ZNF704: variants seen among roughly 807,000 people sequenced by gnomAD.
ZNF704 encodes the protein glucocorticoid induced gene 1.
Under a neutral mutation model 44.7 loss-of-function variants are expected in ZNF704, and 10 were observed. That is an observed-to-expected ratio of 0.22 (90% CI 0.14 to 0.38). The LOEUF (loss-of-function observed/expected upper bound fraction) is 0.38. Among genes scored for constraint, ZNF704 ranks in the 10% least tolerant of loss-of-function variants. The pLI is 1.00. For synonymous variants in ZNF704, 211 were observed against 207.6 expected, an observed-to-expected ratio of 1.02 and a Z score of -0.14; for missense variants, 390 against 545.5, an observed-to-expected ratio of 0.71 and a Z score of 2.84.
At chr8:80,770,826 C>A (rs1807307310) in intron 2 of ZNF704, among the ~76,000 whole-genome samples, 1 of 152,092 alleles carries the variant, frequency 6.6e-6, no homozygotes, top group Non-Finnish European at 1.5e-5. Context: ...TATGGTCATA[C>A]ATTTTATATT....
rs1817615572 is a variant in ZNF704 at position 80,633,274 on chromosome 8, T to C, written c.*8092A>G. The C allele has an allele frequency of 6.6e-6, 1 of 152,214 alleles. No individual in the cohort carries two copies. Among genetic ancestry groups the C allele is most frequent in the African/African-American group, 2.4e-5 (1 of 41,452 alleles). 9.4% of individuals were successfully genotyped at this position (152,214 alleles called of 1,614,324 possible). On this transcript the variant is annotated 3_prime_UTR_variant, in exon 9 of 9. Coordinates refer to ENST00000327835, the MANE Select transcript of ZNF704 (RefSeq NM_001033723.3). The stretch of plus-strand genomic sequence containing the variant: ...CTTAAGTTTATATACATAGCAAATG[T>C]TGTATGCTAGCAGCAAAATAAATTT...
intron 2 of ZNF704, among the ~76,000 whole-genome samples, chr8:80,702,106 T>C (rs1288620031): frequency 1.3e-5 from 2 of 152,134 alleles, no homozygotes; most frequent in African/African-American, 4.8e-5. Flanking sequence ...GGCAGCATGA[T>C]GAGGGTCCTG....
chr8:80,721,453 G>T (rs1294135836), intron 2 of ZNF704, among the ~76,000 whole-genome samples: 2 of 152,154 alleles, frequency 1.3e-5, no homozygotes, highest in African/African-American at 4.8e-5. Flanking sequence ...AGTTTCACAA[G>T]AGTTTAATTA....
intron 1 of ZNF704, among the ~76,000 whole-genome samples, chr8:80,873,055 G>A (rs539849060): frequency 3.5e-4 from 54 of 152,274 alleles, no homozygotes; most frequent in Non-Finnish European, 2.8e-4. Context: ...ATTGTTCTTG[G>A]TTGGAAGAAG....
intron 2 of ZNF704, among the ~76,000 whole-genome samples, chr8:80,752,967 T>C (rs1334252418): frequency 3.3e-5 from 5 of 152,198 alleles, no homozygotes; most frequent in Admixed American, 2.6e-4. Flanking sequence ...AGTATTCATG[T>C]TTCAAAGCTG....
At chr8:80,876,314 A>T (rs180671973), upstream of ZNF704, among the ~76,000 whole-genome samples, 12 of 152,356 alleles carry the variant, frequency 7.9e-5, no homozygotes, top group African/African-American at 4.8e-5. Flanking sequence ...ATGGAATAGC[A>T]GGGGCTAGCC....
At chr8:80,841,343 G>A (rs942580684) in intron 1 of ZNF704, among the ~76,000 whole-genome samples, 1 of 152,130 alleles carries the variant, frequency 6.6e-6, no homozygotes, top group African/African-American at 2.4e-5. Flanking sequence ...CACGGCAGAG[G>A]TATTAAATGA....
At chr8:80,733,476 T>C (rs997089574) in intron 2 of ZNF704, among the ~76,000 whole-genome samples, 6 of 152,218 alleles carry the variant, frequency 3.9e-5, no homozygotes, top group Admixed American at 3.9e-4. Flanking sequence ...ATAATCTTGA[T>C]TCAATTTCAA....
At chr8:80,654,955 T>C (rs1817989237) in intron 7 of ZNF704, among the ~76,000 whole-genome samples, 1 of 152,132 alleles carries the variant, frequency 6.6e-6, no homozygotes, top group Non-Finnish European at 1.5e-5. Flanking sequence ...TGTCCAACAA[T>C]GAAAGACTGG....
At chr8:80,785,081 T>C (rs895995818) in intron 2 of ZNF704, among the ~76,000 whole-genome samples, 2 of 152,316 alleles carry the variant, frequency 1.3e-5, no homozygotes, top group Non-Finnish European at 2.9e-5. Context: ...TGTTCCAGGG[T>C]CTCATCCTGG....
chr8:80,836,645 C>A (rs530671486), intron 1 of ZNF704, among the ~76,000 whole-genome samples: 48 of 151,978 alleles, frequency 3.2e-4, no homozygotes, highest in African/African-American at 1.1e-3. Flanking sequence ...GGACTACAGG[C>A]ATGGTGGTAC....
At position 80,647,536 on chromosome 8, in the gene ZNF704, G is replaced by A. The variant is rs185067004; in HGVS notation, c.1033-4407C>T. The stretch of plus-strand genomic sequence containing the variant: ...TGGAGAATGGACAGCAGACAGCCTG[G>A]AAAGGAGCCCTGGAGTTAAGAGGCT... On this transcript the variant is annotated intron_variant, in intron 7 of 8. Transcript: ENST00000327835. 1.1e-3 allele frequency among the ~76,000 whole-genome samples: 164 copies of A among 152,334 alleles called. 2 individuals are homozygous for A. Among genetic ancestry groups the A allele is most frequent in the African/African-American group, 3.7e-3 (154 of 41,576 alleles).
intron 1 of ZNF704, among the ~76,000 whole-genome samples, chr8:80,830,753 C>CTTTCTTTTTTTTTT (rs1554585536): frequency 1.2e-4 from 11 of 89,132 alleles, no homozygotes; most frequent in Middle Eastern, 7.6e-3. Flanking sequence ...GTGTTTCTTT[C>CTTTCTTTTTTTTTT]TTTTTTTTTT....
intron 1 of ZNF704, among the ~76,000 whole-genome samples, chr8:80,851,155 G>A: frequency 6.6e-6 from 1 of 152,108 alleles, no homozygotes; most frequent in East Asian, 1.9e-4. Flanking sequence ...GAAATACAGT[G>A]TTTGTGGCGA....
chr8:80,705,356 A>G (rs1818879494), intron 2 of ZNF704, among the ~76,000 whole-genome samples: 1 of 149,526 alleles, frequency 6.7e-6, no homozygotes, highest in South Asian at 2.1e-4. Context: ...GTTTCTGCAC[A>G]GTTGTGTGTC....
chr8:80,653,639 C>A (rs58579409), intron 7 of ZNF704, among the ~76,000 whole-genome samples: 1 of 151,832 alleles, frequency 6.6e-6, no homozygotes, highest in South Asian at 2.1e-4. Context: ...ACAAGGGATG[C>A]GAAGGACCTC....
rs771462266 is a variant in ZNF704 at position 80,799,526 on chromosome 8, G to C, written c.221+21848C>G. ...GGTACAGGAAAAACTGAGGCAGCTAGGGTTTGGAGCAGACCCCCAGCAAAC... is the reference window on the plus strand; with the variant it reads ...GGTACAGGAAAAACTGAGGCAGCTACGGTTTGGAGCAGACCCCCAGCAAAC... On this transcript the variant is annotated intron_variant, in intron 2 of 8. Coordinates refer to ENST00000327835, the MANE Select transcript of ZNF704 (RefSeq NM_001033723.3). Among the ~76,000 whole-genome samples the C allele has an allele frequency of 5.9e-5, 9 of 152,140 alleles. 1 individual carries two copies. The highest frequency in any genetic ancestry group is 6.5e-5 in the Admixed American group (1 of 15,270).
chr8:80,822,270 C>A lies in ZNF704; in HGVS notation c.-21-655G>T, dbSNP rs185671597. ...TATCTCCTAATGCTATCCCTTCCCC[C>A]CCGCCCCCAACCCATGACAGGCCCC... On this transcript the variant is annotated intron_variant, in intron 1 of 8. Coordinates refer to ENST00000327835, the MANE Select transcript of ZNF704 (RefSeq NM_001033723.3). Among the ~76,000 whole-genome samples, 782 of 144,202 alleles carry A rather than the reference C, an allele frequency of 5.4e-3. 11 individuals are homozygous for A. The highest frequency in any genetic ancestry group is 0.021 in the African/African-American group (741 of 35,282). 94.6% of individuals were successfully genotyped at this position (144,202 alleles called of 152,430 possible). A position where few individuals can be genotyped will look rare whatever the true frequency, so the allele number is the denominator to read the frequency against.
intron 2 of ZNF704, among the ~76,000 whole-genome samples, chr8:80,776,316 T>A (rs1213463454): frequency 1.3e-5 from 2 of 152,356 alleles, no homozygotes; most frequent in East Asian, 3.9e-4. Context: ...TGTACAGCTT[T>A]GCAATACCAC....
Sources: allele counts gnomAD v4.1 joint callset (sites outside exome capture counted in the v4.1 genomes callset), GRCh38; gene constraint gnomAD v4.1.1; transcripts MANE v1.5; gene names NCBI Gene and HGNC (gene_info 2026-07-23, HGNC 2026-07-21).